Variants in PTPRT observed in about 807,000 individuals in gnomAD.
PTPRT encodes the protein receptor-type tyrosine-protein phosphatase T.
A neutral mutation model predicts 176.8 loss-of-function variants in PTPRT; 56 were observed. That is an observed-to-expected ratio of 0.32 (90% CI 0.26 to 0.40). The LOEUF (loss-of-function observed/expected upper bound fraction) is 0.40, where lower values mean the gene tolerates loss of function less well. Among genes scored for constraint, PTPRT ranks in the 10% least tolerant of loss-of-function variants. PTPRT has a pLI of 1.00. For missense variants in PTPRT, 1,540 were observed against 1,908.2 expected (o/e 0.81, Z 3.60); for synonymous variants, 783 against 739.0 (o/e 1.06, Z -0.96).
In PTPRT at chr20:42,725,046, A is replaced by G. The variant is rs1044686191; in HGVS notation, c.859+31416T>C. Among the ~76,000 whole-genome samples the G allele has an allele frequency of 2.1e-5, 3 of 144,666 alleles. No individual in the cohort carries two copies. In the East Asian group the frequency reaches 5.9e-4, roughly 28 times the overall value. 94.9% of individuals were successfully genotyped at this position (144,666 alleles called of 152,430 possible). On this transcript the variant is annotated intron_variant, in intron 6 of 30. Coordinates refer to ENST00000373187, the MANE Select transcript of PTPRT (RefSeq NM_007050.6). ...GTGTGTGTGTGTGTGTGTGTGTTTG[A>G]GACTGAGTTTTGCTCTTTTCGCCCA...
intron 8 of PTPRT, among the ~76,000 whole-genome samples, chr20:42,454,917 A>G (rs2070893680): frequency 6.6e-6 from 1 of 152,212 alleles, no homozygotes; most frequent in Admixed American, 6.5e-5. Context: ...ACGTAGAAGA[A>G]GCAAGAAGTG....
chr20:42,874,655 TTAC>T (rs2078901036), intron 2 of PTPRT, among the ~76,000 whole-genome samples: 1 of 152,192 alleles, frequency 6.6e-6, no homozygotes, highest in African/African-American at 2.4e-5. Flanking sequence ...GCTCCTCCAT[TTAC>T]TGTAACTCAC....
chr20:42,106,725 A>G (rs1404286488), intron 24 of PTPRT, 61 bp downstream of exon 24: 1 of 1,576,826 alleles, frequency 6.3e-7, no homozygotes, highest in Non-Finnish European at 8.6e-7. Context: ...CCGTTCTATC[A>G]TCATGTTTCT....
At chr20:42,726,675 G>A (rs1259206076) in intron 6 of PTPRT, among the ~76,000 whole-genome samples, 1 of 152,202 alleles carries the variant, frequency 6.6e-6, no homozygotes, top group Non-Finnish European at 1.5e-5. Flanking sequence ...CCCATGCTGA[G>A]AAGACACGAG....
rs368293027 is a variant in PTPRT, at chr20:43,015,723, ACT to A, written c.89-129793_89-129792del. ...CTCCATGCTCTGCCCCTTACAAATG[ACT>A]CTGGGCAAATCACACCAGTCACAGC... On this transcript the variant is annotated intron_variant, in intron 1 of 30. Coordinates refer to ENST00000373187, the MANE Select transcript of PTPRT (RefSeq NM_007050.6). Among the ~76,000 whole-genome samples the A allele has an allele frequency of 2.9e-4, 44 of 151,902 alleles. No homozygotes were observed. In the East Asian group the frequency reaches 6.8e-3, roughly 23 times the overall value.
At chr20:42,307,979 A>C (rs2057569260) in intron 12 of PTPRT, among the ~76,000 whole-genome samples, 1 of 152,204 alleles carries the variant, frequency 6.6e-6, no homozygotes, top group Admixed American at 6.5e-5. Context: ...ATAATGCATC[A>C]GCATGCTAAA....
At chr20:42,364,898 G>A (rs138350216) in intron 9 of PTPRT, among the ~76,000 whole-genome samples, 19 of 152,332 alleles carry the variant, frequency 1.2e-4, no homozygotes, top group African/African-American at 3.1e-4. Context: ...AGGAGGCAGC[G>A]ATGGGATAAC....
At chr20:42,840,793 C>T (rs10470022) in intron 2 of PTPRT, among the ~76,000 whole-genome samples, 16,395 of 152,150 alleles carry the variant, frequency 0.11, 1,035 homozygotes, top group South Asian at 0.19. Flanking sequence ...TCAGCTTTGA[C>T]CTGTGGACTC....
intron 9 of PTPRT, among the ~76,000 whole-genome samples, chr20:42,412,424 C>CTCACAAGGCTATG (rs2145741579): frequency 6.6e-6 from 1 of 152,296 alleles, no homozygotes; most frequent in Admixed American, 6.5e-5. Flanking sequence ...ATGAGAAGTC[C>CTCACAAGGCTATG]TCACAAGGCT....
At chr20:43,125,391 A>C (rs746909320) in intron 1 of PTPRT, among the ~76,000 whole-genome samples, 10 of 152,048 alleles carry the variant, frequency 6.6e-5, no homozygotes, top group South Asian at 2.1e-4. Context: ...GTACACAAGC[A>C]CTTTTGACCT....
chr20:42,285,155 CCT>C (rs978512695), intron 12 of PTPRT, among the ~76,000 whole-genome samples: 1 of 151,924 alleles, frequency 6.6e-6, no homozygotes, highest in African/African-American at 2.4e-5. Context: ...AGCACCATAC[CCT>C]GTGTTTTGGT....
Position 42,421,453 on chromosome 20 carries a change from G to T in PTPRT, c.1560+26767C>A, listed in dbSNP as rs546887298. Among the ~76,000 whole-genome samples, 20 of 152,206 alleles carry T rather than the reference G, an allele frequency of 1.3e-4. 2 individuals carry two copies. Among genetic ancestry groups the T allele is most frequent in the Admixed American group, 9.8e-4 (15 of 15,288 alleles). On this transcript the variant is annotated intron_variant, in intron 9 of 30. Coordinates refer to ENST00000373187, the MANE Select transcript of PTPRT (RefSeq NM_007050.6). ...CAGTCAGGACAAGAAACCAGGAGAC[G>T]TTGACAGTCACGACTAAGGTGGTAG...
the PTPRT span, among the ~76,000 whole-genome samples, chr20:42,058,933 C>T: frequency 6.6e-6 from 1 of 152,152 alleles, no homozygotes; most frequent in Admixed American, 6.5e-5. Context: ...GCCTTTGGAT[C>T]ATCCAGCCAA....
In PTPRT at chr20:43,099,970, A is replaced by T. The variant is rs8115059; in HGVS notation, c.88+89676T>A. Among the ~76,000 whole-genome samples the T allele has an allele frequency of 8.5e-3, 1,291 of 152,246 alleles. 8 individuals carry two copies. Among genetic ancestry groups the T allele is most frequent in the Non-Finnish European group, 0.014 (947 of 68,018 alleles). ...CACATGGTACCTACATCTAGTAGGG[A>T]CTCAATCAATATCCATGCATTCATT... On this transcript the variant is annotated intron_variant, in intron 1 of 30. Coordinates refer to ENST00000373187, the MANE Select transcript of PTPRT (RefSeq NM_007050.6).
At chr20:42,400,793 G>T (rs932219332) in intron 9 of PTPRT, among the ~76,000 whole-genome samples, 7 of 152,212 alleles carry the variant, frequency 4.6e-5, no homozygotes, top group African/African-American at 9.7e-5. Flanking sequence ...AGAGCAGGTA[G>T]TGTGACATGA....
intron 7 of PTPRT, among the ~76,000 whole-genome samples, chr20:42,511,733 A>AT (rs112820178): frequency 0.037 from 5,307 of 144,720 alleles, 118 homozygotes; most frequent in African/African-American, 0.068. Flanking sequence ...TAAACACCCT[A>AT]TTTTTTTTTT....
chr20:43,101,957 G>A (rs1267158935), intron 1 of PTPRT, among the ~76,000 whole-genome samples: 1 of 152,220 alleles, frequency 6.6e-6, no homozygotes, highest in Non-Finnish European at 1.5e-5. Flanking sequence ...AGGCTGGGAA[G>A]TCCAAGATCA....
intron 11 of PTPRT, among the ~76,000 whole-genome samples, chr20:42,333,075 A>G (rs917242186): frequency 2.0e-5 from 3 of 152,206 alleles, no homozygotes; most frequent in Non-Finnish European, 4.4e-5. Flanking sequence ...ATGAGAGGAG[A>G]ATACCCACAA....
At chr20:42,183,793 A>G (rs1568651299) in intron 16 of PTPRT, among the ~76,000 whole-genome samples, 1 of 152,176 alleles carries the variant, frequency 6.6e-6, no homozygotes, top group Non-Finnish European at 1.5e-5. Context: ...GCTTTTAATA[A>G]TGATACACAG....
Sources: allele counts gnomAD v4.1 joint callset (sites outside exome capture counted in the v4.1 genomes callset), GRCh38; gene constraint gnomAD v4.1.1; transcripts MANE v1.5; gene names NCBI Gene and HGNC (gene_info 2026-07-23, HGNC 2026-07-21).